ENOX1: variants seen among roughly 807,000 people sequenced by gnomAD.
The protein encoded by ENOX1 is candidate growth-related and time keeping constitutive hydroquinone (NADH) oxidase.
A neutral mutation model predicts 82.5 loss-of-function variants in ENOX1; 42 were observed. That is an observed-to-expected ratio of 0.51 (90% CI 0.40 to 0.66). The LOEUF (loss-of-function observed/expected upper bound fraction) is 0.66. Among genes scored for constraint, ENOX1 ranks in the 30% least tolerant of loss-of-function variants. The pLI, the probability that ENOX1 is intolerant of heterozygous loss-of-function variation, is 0.00. For synonymous variants in ENOX1, 271 were observed against 282.2 expected (o/e 0.96, Z 0.40); for missense variants, 608 against 811.6 (o/e 0.75, Z 3.05).
At chr13:43,604,224 T>C (rs1216382709) in intron 2 of ENOX1, among the ~76,000 whole-genome samples, 1 of 151,116 alleles carries the variant, frequency 6.6e-6, no homozygotes, top group Non-Finnish European at 1.5e-5. Flanking sequence ...TGCCCACCTT[T>C]TGATGGGGTT....
At chr13:43,699,403 A>G (rs1465205711) in intron 1 of ENOX1, among the ~76,000 whole-genome samples, 1 of 152,228 alleles carries the variant, frequency 6.6e-6, no homozygotes, top group Non-Finnish European at 1.5e-5. Flanking sequence ...CGGGATTGCT[A>G]GAGGGCAGAT....
chr13:43,403,384 A>G (rs2053606435), intron 5 of ENOX1, among the ~76,000 whole-genome samples: 1 of 152,244 alleles, frequency 6.6e-6, no homozygotes. Context: ...GCATTTAACA[A>G]AAGTTTGTAA....
chr13:43,732,202 T>C (rs1432651689), intron 1 of ENOX1, among the ~76,000 whole-genome samples: 2 of 152,192 alleles, frequency 1.3e-5, no homozygotes, highest in African/African-American at 4.8e-5. Flanking sequence ...ACACAGCCAA[T>C]GGGCAGAACT....
At chr13:43,429,722 A>C (rs1367881234) in intron 3 of ENOX1, among the ~76,000 whole-genome samples, 1 of 152,220 alleles carries the variant, frequency 6.6e-6, no homozygotes, top group Non-Finnish European at 1.5e-5. Context: ...GAAAACATGA[A>C]TTAATATTAA....
At chr13:43,395,706 C>T (rs181611386) in intron 5 of ENOX1, among the ~76,000 whole-genome samples, 2 of 152,316 alleles carry the variant, frequency 1.3e-5, no homozygotes, top group African/African-American at 2.4e-5. Flanking sequence ...CTTTCATTCT[C>T]ATGAATGTGA....
chr13:43,429,145 T>C (rs2055509456), intron 3 of ENOX1, among the ~76,000 whole-genome samples: 1 of 152,170 alleles, frequency 6.6e-6, no homozygotes, highest in African/African-American at 2.4e-5. Flanking sequence ...TGTGGGCCAG[T>C]TTCCTGAGCT....
intron 3 of ENOX1, among the ~76,000 whole-genome samples, chr13:43,463,598 A>C (rs1209500658): frequency 6.6e-6 from 1 of 152,188 alleles, no homozygotes; most frequent in Admixed American, 6.5e-5. Flanking sequence ...AAAAAGCAAC[A>C]CTACAGTACT....
intron 14 of ENOX1, among the ~76,000 whole-genome samples, chr13:43,253,927 G>A (rs1474156615): frequency 2.0e-5 from 3 of 152,312 alleles, no homozygotes; most frequent in South Asian, 2.1e-4. Context: ...CAGGAATACC[G>A]TAATTGAGCC....
At chr13:43,431,643 C>T (rs955838162) in intron 3 of ENOX1, among the ~76,000 whole-genome samples, 1 of 152,148 alleles carries the variant, frequency 6.6e-6, no homozygotes, top group Non-Finnish European at 1.5e-5. Flanking sequence ...CACACCCTTC[C>T]CTCCCACATA....
chr13:43,592,878 C>T (rs1352114096), intron 2 of ENOX1, among the ~76,000 whole-genome samples: 1 of 152,160 alleles, frequency 6.6e-6, no homozygotes, highest in East Asian at 1.9e-4. Flanking sequence ...AAATTGATCT[C>T]AAGGAGATAT....
intron 5 of ENOX1, among the ~76,000 whole-genome samples, chr13:43,380,816 T>A (rs1015193705): frequency 6.6e-6 from 1 of 151,662 alleles, no homozygotes; most frequent in African/African-American, 2.4e-5. Flanking sequence ...GATAAATGAG[T>A]CATTTCATAA....
At chr13:43,388,779 C>G (rs995930805) in intron 5 of ENOX1, among the ~76,000 whole-genome samples, 2 of 152,100 alleles carry the variant, frequency 1.3e-5, no homozygotes, top group Non-Finnish European at 2.9e-5. Context: ...CTTGGAGGAG[C>G]TGGTAAAATT....
chr13:43,704,922 T>C (rs1416765808), intron 1 of ENOX1, among the ~76,000 whole-genome samples: 2 of 152,144 alleles, frequency 1.3e-5, no homozygotes, highest in South Asian at 2.1e-4. Flanking sequence ...GAGTTAAGAA[T>C]AAATACTTAT....
chr13:43,243,135 CAAAA>C lies in ENOX1; in HGVS notation c.1612-6401_1612-6398del, dbSNP rs748084568. Among the ~76,000 whole-genome samples, 102 of 81,548 alleles carry C rather than the reference CAAAA, an allele frequency of 1.3e-3. 1 individual carries two copies. The highest frequency in any genetic ancestry group is 4.4e-3 in the African/African-American group (98 of 22,094). The allele number at this position is 81,548 out of a possible 152,430, so 53.5% of individuals were successfully genotyped here. A position where few individuals can be genotyped will look rare whatever the true frequency, so the allele number is the denominator to read the frequency against. ...TGGGCAACAGAGTGAGACTCTGTCTCAAAAAAAAAAAAAAAAAAAAAAAATCTGA... is the reference window on the plus strand; with the variant it reads ...TGGGCAACAGAGTGAGACTCTGTCTCAAAAAAAAAAAAAAAAAAAATCTGA... On this transcript the variant is annotated intron_variant, in intron 14 of 16. Transcript: ENST00000690772.
intron 5 of ENOX1, among the ~76,000 whole-genome samples, chr13:43,395,945 G>T (rs1215550296): frequency 6.6e-6 from 1 of 152,158 alleles, no homozygotes; most frequent in Non-Finnish European, 1.5e-5. Flanking sequence ...TCAGAAATCA[G>T]ATAGAGCCAT....
chr13:43,719,210 C>T (rs1315834838), intron 1 of ENOX1, among the ~76,000 whole-genome samples: 1 of 151,930 alleles, frequency 6.6e-6, no homozygotes, highest in African/African-American at 2.4e-5. Flanking sequence ...TCTTCTATTA[C>T]TGCCTATTAG....
At chr13:43,236,800 A>G in intron 14 of ENOX1, 62 bp from the exon 15 acceptor site, 2 of 853,454 alleles carry the variant, frequency 2.3e-6, no homozygotes, top group Non-Finnish European at 3.5e-6. Flanking sequence ...ATGTCAATAA[A>G]AAACACCAGA....
chr13:43,592,923 C>T (rs2081307262), intron 2 of ENOX1, among the ~76,000 whole-genome samples: 1 of 152,198 alleles, frequency 6.6e-6, no homozygotes, highest in Admixed American at 6.5e-5. Context: ...GATACCCATA[C>T]AAAAACACTT....
intron 1 of ENOX1, among the ~76,000 whole-genome samples, chr13:43,744,446 A>G (rs1949914272): frequency 6.6e-6 from 1 of 152,158 alleles, no homozygotes; most frequent in Admixed American, 6.6e-5. Flanking sequence ...AAGGATCTCC[A>G]AGACACACAA....
Sources: allele counts gnomAD v4.1 joint callset (sites outside exome capture counted in the v4.1 genomes callset), GRCh38; gene constraint gnomAD v4.1.1; transcripts MANE v1.5; gene names NCBI Gene and HGNC (gene_info 2026-07-23, HGNC 2026-07-21).